NKPD1: variants seen among roughly 807,000 people sequenced by gnomAD.
NKPD1 encodes NTPase KAP family P-loop domain containing 1.
NKPD1 carries 37 observed loss-of-function variants against 42.2 expected under a neutral mutation model. The ratio of observed to expected loss-of-function variants is 0.88; its 90% CI spans 0.67 to 1.15. The LOEUF is 1.15. NKPD1 is among the 50% of genes most tolerant of loss of function. The pLI is 0.00. For synonymous variants in NKPD1, 552 were observed against 536.5 expected (o/e 1.03, Z -0.40); for missense variants, 1,113 against 1,174.6 (o/e 0.95, Z 0.77).
chr19:45,162,302 T>C (rs1316729248), upstream of NKPD1, among the ~76,000 whole-genome samples: 1 of 152,080 alleles, frequency 6.6e-6, no homozygotes, highest in Non-Finnish European at 1.5e-5. Context: ...CCAGGTGGAA[T>C]AGGAAGGGGT....
At chr19:45,154,880 C>G (rs933866941) in intron 4 of NKPD1, among the ~76,000 whole-genome samples, 2 of 151,936 alleles carry the variant, frequency 1.3e-5, no homozygotes, top group Non-Finnish European at 2.9e-5. Context: ...CAAAAATTAG[C>G]CGGGCTTGGT....
chr19:45,161,550 C>T (rs1969005872), upstream of NKPD1, among the ~76,000 whole-genome samples: 1 of 152,240 alleles, frequency 6.6e-6, no homozygotes. Context: ...ATGCCCGCTT[C>T]ACAGATGAGG....
At position 45,151,789 on chromosome 19, in the gene NKPD1, T is replaced by C. The variant is rs1419244012; in HGVS notation, c.*149A>G. On this transcript the variant is annotated 3_prime_UTR_variant, in exon 5 of 5. Transcript: ENST00000686631. The stretch of plus-strand genomic sequence containing the variant: ...TTGTGGCCGCACTCCTTGGAAGCTA[T>C]GTCCACGGCTCTGGCTCAGGTTCAC... 5 of 808,814 alleles carry C rather than the reference T, an allele frequency of 6.2e-6. No individual in the cohort carries two copies. The highest frequency in any genetic ancestry group is 9.1e-6 in the Non-Finnish European group (5 of 550,876). The allele number at this position is 808,814 out of a possible 1,614,324, so 50.1% of individuals were successfully genotyped here.
At position 45,153,544 on chromosome 19, in the gene NKPD1, G is replaced by T; in HGVS notation, c.893C>A (p.Thr298Asn). The change falls in exon 5 of 5, where the codon ACC becomes AAC. Residue 298 changes from threonine (T) to asparagine (N), a missense_variant. By Grantham distance (65) the Thr-to-Asn change is moderately conservative. Around this residue, in one of 3 missense-constraint regions of NKPD1, gnomAD observed 867 missense variants for 870.1 expected, o/e 1.00. Transcript: ENST00000686631. ...GTDKLWAGLV[T>N]TLCEGIRRHY... is the part of the protein sequence containing the mutation. ...GCGGCGGATGCCCTCGCACAACGTGGTCACCAGGCCGGCCCACAGCTTGTC... is the reference window on the plus strand; with the variant it reads ...GCGGCGGATGCCCTCGCACAACGTGTTCACCAGGCCGGCCCACAGCTTGTC... The T allele has an allele frequency of 6.4e-7, 1 of 1,551,470 alleles. No homozygotes were observed. Among genetic ancestry groups the T allele is most frequent in the East Asian group, 2.4e-5 (1 of 42,450 alleles).
rs1204910789 is a variant in NKPD1, at chr19:45,158,823, G to A, written c.369C>T (p.Ala123=). 7 of 1,276,896 alleles carry A rather than the reference G, an allele frequency of 5.5e-6. No individual in the cohort carries two copies. The highest frequency in any genetic ancestry group is 1.5e-5 in the African/African-American group (1 of 64,790). 79.1% of individuals were successfully genotyped at this position (1,276,896 alleles called of 1,614,324 possible). A position where few individuals can be genotyped will look rare whatever the true frequency, so the allele number is the denominator to read the frequency against. Residue 123 remains alanine, a synonymous_variant, in exon 3 of 5, where the codon GCC becomes GCT. Coordinates refer to ENST00000686631, the MANE Select transcript of NKPD1 (RefSeq NM_198478.4). The surrounding 1 kb of genome is among the most constrained non-coding windows in gnomAD (Gnocchi z 4.6). ...TGGTGGGTAAGGTGGGCGCCTGAGG[G>A]GCGCTGGCAGGTTCCTTGGGGACAG... The part of the protein sequence containing the change: ...TSTVPKEPAS[A]PQAPTLPTTA...
chr19:45,158,938 TGCC>T lies in NKPD1; in HGVS notation c.251_253del (p.Arg84del). 1 of 1,299,596 alleles carries T rather than the reference TGCC, an allele frequency of 7.7e-7. No individual in the cohort carries two copies. Among genetic ancestry groups the T allele is most frequent in the Non-Finnish European group, 1.0e-6 (1 of 987,466 alleles). The allele number at this position is 1,299,596 out of a possible 1,614,324, so 80.5% of individuals were successfully genotyped here. A position where few individuals can be genotyped will look rare whatever the true frequency, so the allele number is the denominator to read the frequency against. On this transcript the variant is annotated inframe_deletion, in exon 3 of 5. Transcript: ENST00000686631. This position sits in a 1 kb window ranked among gnomAD's most constrained non-coding sequence, Gnocchi z 4.6. ...GGGAGGTGAGGGCTGGGACTGGGGC[TGCC>T]GCTGCTGCTGCAGGACGGAGGGCAG...
chr19:45,156,039 G>A, intron 3 of NKPD1, 123 bp from the exon 4 acceptor site: 1 of 923,702 alleles, frequency 1.1e-6, no homozygotes, highest in African/African-American at 1.7e-5. Flanking sequence ...GGGGACTCAG[G>A]TCAAACCCTG....
chr19:45,152,795 G>C lies in NKPD1; in HGVS notation c.1642C>G (p.Arg548Gly), dbSNP rs772568182. The C allele has an allele frequency of 1.9e-5, 30 of 1,601,528 alleles. No homozygotes were observed. Among genetic ancestry groups the C allele is most frequent in the Non-Finnish European group, 2.4e-5 (28 of 1,174,270 alleles). ...LQFLHDAVQS[R>G]DDLLYREMTR... The stretch of plus-strand genomic sequence containing the variant: ...ATCTCGCGGTACAACAGGTCGTCGC[G>C]GCTCTGCACCGCATCGTGCAGGAAC... Residue 548 changes from arginine to glycine, a missense_variant, in exon 5 of 5, where the codon CGC becomes GGC. Around this residue, in one of 3 missense-constraint regions of NKPD1, gnomAD observed 867 missense variants for 870.1 expected, o/e 1.00. Coordinates refer to ENST00000686631, the MANE Select transcript of NKPD1 (RefSeq NM_198478.4).
chr19:45,151,906 C>A lies in NKPD1; in HGVS notation c.*32G>T, dbSNP rs1220640153. 2 of 1,507,796 alleles carry A rather than the reference C, an allele frequency of 1.3e-6. No individual in the cohort carries two copies. Among genetic ancestry groups the A allele is most frequent in the East Asian group, 2.4e-5 (1 of 41,934 alleles). The allele number at this position is 1,507,796 out of a possible 1,614,324, so 93.4% of individuals were successfully genotyped here. A position where few individuals can be genotyped will look rare whatever the true frequency, so the allele number is the denominator to read the frequency against. On this transcript the variant is annotated 3_prime_UTR_variant, in exon 5 of 5. Transcript: ENST00000686631. Reference sequence around the variant, plus strand: ...CTCCCATCTGGGCAGATGGAGGAACCCTTGCCTCCTGCTGCCCGCCAAGTC... The same window carrying A: ...CTCCCATCTGGGCAGATGGAGGAACACTTGCCTCCTGCTGCCCGCCAAGTC...
chr19:45,152,871 A>G lies in NKPD1; in HGVS notation c.1566T>C (p.Thr522=). 6.3e-7 allele frequency: 1 copy of G among 1,587,506 alleles called. No individual in the cohort carries two copies. The highest frequency in any genetic ancestry group is 8.6e-7 in the Non-Finnish European group (1 of 1,163,872). The change falls in exon 5 of 5, where the codon ACT becomes ACC. Residue 522 remains threonine (T), a synonymous_variant. Coordinates refer to ENST00000686631, the MANE Select transcript of NKPD1 (RefSeq NM_198478.4). ...TGGGCACAGAGAAGGGCAGCGTGACAGTGCGGTTGAGGAAGAGGTAGCCGT... is the reference window on the plus strand; with the variant it reads ...TGGGCACAGAGAAGGGCAGCGTGACGGTGCGGTTGAGGAAGAGGTAGCCGT... ...ADNGYLFLNR[T]VTLPFSVPIM... is the part of the protein sequence containing the mutation.
upstream of NKPD1, among the ~76,000 whole-genome samples, chr19:45,162,460 G>A (rs1034702034): frequency 3.9e-5 from 6 of 152,186 alleles, no homozygotes; most frequent in Non-Finnish European, 7.4e-5. Context: ...GTCAGGCAGC[G>A]GGCGGCGAAG....
At position 45,153,048 on chromosome 19, in the gene NKPD1, C is replaced by T; in HGVS notation, c.1389G>A (p.Thr463=). 1.9e-6 allele frequency: 3 copies of T among 1,585,468 alleles called. No individual in the cohort carries two copies. The highest frequency in any genetic ancestry group is 1.7e-4 in the Middle Eastern group (1 of 6,038). Residue 463 remains threonine, a synonymous_variant, in exon 5 of 5, where the codon ACG becomes ACA. Transcript: ENST00000686631. ...RVVLEVTGLD[T]CYPERVVGVL... is the part of the protein sequence containing the mutation. Reference sequence around the variant, plus strand: ...CGCCCACCACGCGCTCCGGGTAGCACGTGTCCAGCCCGGTGACCTCCAGCA... The same window carrying T: ...CGCCCACCACGCGCTCCGGGTAGCATGTGTCCAGCCCGGTGACCTCCAGCA...
intron 4 of NKPD1, 142 bp from the exon 5 acceptor site, chr19:45,153,917 C>A: frequency 9.7e-6 from 8 of 821,070 alleles, no homozygotes; most frequent in Non-Finnish European, 1.4e-5. Context: ...CGCGGCCGCT[C>A]CTTAAAGAGC....
chr19:45,162,139 C>T (rs1489389480), upstream of NKPD1, among the ~76,000 whole-genome samples: 1 of 152,148 alleles, frequency 6.6e-6, no homozygotes, highest in Non-Finnish European at 1.5e-5. Flanking sequence ...AAGCGTGGCC[C>T]AATGTAAATG....
At position 45,152,095 on chromosome 19, in the gene NKPD1, T is replaced by C; in HGVS notation, c.2342A>G (p.His781Arg). ...SPTRDTPHAA[H>R]RANSASRAPP... is the part of the protein sequence containing the mutation. Reference sequence around the variant, plus strand: ...CGCCCTGGAGGCGCTGTTGGCCCGGTGGGCAGCGTGGGGGGTATCGCGGGT... The same window carrying C: ...CGCCCTGGAGGCGCTGTTGGCCCGGCGGGCAGCGTGGGGGGTATCGCGGGT... Residue 781 changes from histidine (H) to arginine (R), a missense_variant, in exon 5 of 5, where the codon CAC becomes CGC. Transcript: ENST00000686631. 1 of 1,605,722 alleles carries C rather than the reference T, an allele frequency of 6.2e-7. No individual in the cohort carries two copies. The highest frequency in any genetic ancestry group is 2.2e-5 in the East Asian group (1 of 44,698).
Position 45,152,897 on chromosome 19 carries a change from T to C in NKPD1, c.1540A>G (p.Asn514Asp), listed in dbSNP as rs1221685850. Residue 514 changes from asparagine to aspartate, a missense_variant, in exon 5 of 5, where the codon AAC (asparagine) becomes GAC (aspartate). By Grantham distance (23) the Asn-to-Asp change is conservative (BLOSUM62 1). Coordinates refer to ENST00000686631, the MANE Select transcript of NKPD1 (RefSeq NM_198478.4). Reference protein sequence around the residue: ...SAGNMKGTADNGYLFLNRTVT... With the variant: ...SAGNMKGTADDGYLFLNRTVT... ...GTGCGGTTGAGGAAGAGGTAGCCGT[T>C]ATCGGCCGTGCCCTTCATGTTGCCC... is the stretch of plus-strand genomic sequence containing the variant. 6.3e-7 allele frequency: 1 copy of C among 1,582,970 alleles called. No homozygotes were observed. Among genetic ancestry groups the C allele is most frequent in the Non-Finnish European group, 8.6e-7 (1 of 1,161,896 alleles).
rs1020572608 is a variant in NKPD1 at position 45,150,172 on chromosome 19, CACCA to C, written c.*1762_*1765del. The stretch of plus-strand genomic sequence containing the variant: ...GCAGTGGCACCATCTTGGCTCCAGC[CACCA>C]CCTCCCGGGTTCAAGTGATCCTCCC... On this transcript the variant is annotated 3_prime_UTR_variant, in exon 5 of 5. Transcript: ENST00000686631. 5 of 152,214 alleles carry C rather than the reference CACCA, an allele frequency of 3.3e-5. No individual in the cohort carries two copies. The highest frequency in any genetic ancestry group is 1.2e-4 in the African/African-American group (5 of 41,440). The allele number at this position is 152,214 out of a possible 1,614,324, so 9.4% of individuals were successfully genotyped here. A position where few individuals can be genotyped will look rare whatever the true frequency, so the allele number is the denominator to read the frequency against.
In NKPD1 at chr19:45,152,465, C is replaced by A. The variant is rs765138574; in HGVS notation, c.1972G>T (p.Val658Leu). The A allele has an allele frequency of 6.5e-6, 10 of 1,550,386 alleles. No individual in the cohort carries two copies. The highest frequency in any genetic ancestry group is 8.7e-6 in the Non-Finnish European group (10 of 1,154,714). ...PTPRQAVAWV[V>L]LANQWPCRLS... ...CGGCACGGCCACTGGTTGGCGAGCA[C>A]CACCCACGCCACCGCCTGGCGCGGC... Residue 658 changes from valine (V) to leucine (L), a missense_variant, in exon 5 of 5, where the codon GTG becomes TTG. By Grantham distance (32) the Val-to-Leu change is conservative (BLOSUM62 1). Coordinates refer to ENST00000686631, the MANE Select transcript of NKPD1 (RefSeq NM_198478.4).
intron 2 of NKPD1, 95 bp from the exon 3 acceptor site, chr19:45,159,195 G>A (rs1028712064): frequency 8.6e-7 from 1 of 1,165,670 alleles, no homozygotes; most frequent in Non-Finnish European, 1.1e-6. Context: ...GAACCTGGGG[G>A]CCAGAGTATT....
Sources: allele counts gnomAD v4.1 joint callset (sites outside exome capture counted in the v4.1 genomes callset), GRCh38; gene constraint gnomAD v4.1.1; regional missense constraint gnomAD v4.1.1; non-coding constraint Gnocchi (gnomAD v3.1); transcripts MANE v1.5; gene names NCBI Gene and HGNC (gene_info 2026-07-23, HGNC 2026-07-21).